PCBP2: variants seen among roughly 807,000 people sequenced by gnomAD.
PCBP2 encodes poly(rC) binding protein 2.
Under a neutral mutation model 50.1 loss-of-function variants are expected in PCBP2, and 4 were observed. The ratio of observed to expected loss-of-function variants is 0.08; its 90% CI spans 0.04 to 0.18. The LOEUF (loss-of-function observed/expected upper bound fraction) is 0.18. Ranked by LOEUF, PCBP2 falls within the 10% of genes least tolerant of loss-of-function variation. PCBP2 has a pLI of 1.00. For missense variants in PCBP2, 161 were observed against 474.3 expected (o/e 0.34, Z 6.14); for synonymous variants, 179 against 168.0 (o/e 1.07, Z -0.51).
intron 7 of PCBP2, among the ~76,000 whole-genome samples, chr12:53,461,790 A>G (rs1254697035): frequency 6.6e-6 from 1 of 151,988 alleles, no homozygotes. Context: ...GCTCACTGCA[A>G]CCTCTGCCTA....
chr12:53,466,712 TGTA>T (rs1941849902), intron 10 of PCBP2, among the ~76,000 whole-genome samples: 1 of 152,138 alleles, frequency 6.6e-6, no homozygotes, highest in African/African-American at 2.4e-5. Context: ...TAAAAATAGC[TGTA>T]GTAGTCAGTG....
intron 13 of PCBP2, 107 bp from the exon 14 acceptor site, chr12:53,471,531 C>A: frequency 9.4e-7 from 1 of 1,067,082 alleles, no homozygotes; most frequent in Non-Finnish European, 1.3e-6. Context: ...CAGGCCACTG[C>A]ACTCCAGCCT....
rs1455208265 is a variant in PCBP2 at position 53,454,946 on chromosome 12, G to A, written c.69+77G>A. On this transcript the variant is annotated intron_variant, in intron 2 of 14. Transcript: ENST00000546463. ...AGGAAGAGCAGACATGCATCTTGGAGCTCATCAGATTAGCACTGTGGGGCA... is the reference window on the plus strand; with the variant it reads ...AGGAAGAGCAGACATGCATCTTGGAACTCATCAGATTAGCACTGTGGGGCA... 5.5e-5 allele frequency: 67 copies of A among 1,209,462 alleles called. 1 individual carries two copies. The Admixed American group carries it at 9.5e-4, about 17-fold the overall frequency. The allele number at this position is 1,209,462 out of a possible 1,614,324, so 74.9% of individuals were successfully genotyped here.
At chr12:53,462,186 T>C (rs566837155) in intron 7 of PCBP2, among the ~76,000 whole-genome samples, 5 of 152,228 alleles carry the variant, frequency 3.3e-5, no homozygotes, top group Non-Finnish European at 5.9e-5. Flanking sequence ...AACAAAAATA[T>C]ACGTTTAACA....
At chr12:53,477,665 C>CAAAAAAAAAAAAAAA (rs61213286) in intron 14 of PCBP2, among the ~76,000 whole-genome samples, 2 of 52,886 alleles carry the variant, frequency 3.8e-5, no homozygotes, top group East Asian at 4.9e-4. Context: ...GACTCTGTCT[C>CAAAAAAAAAAAAAAA]AAAAAAAAAA....
At position 53,471,751 on chromosome 12, in the gene PCBP2, T is replaced by C. The variant is rs767420858; in HGVS notation, c.996T>C (p.Val332=). 3 of 1,613,402 alleles carry C rather than the reference T, an allele frequency of 1.9e-6. No individual in the cohort carries two copies. In the African/African-American group the frequency reaches 4.0e-5, roughly 22 times the overall value. Reference sequence around the variant, plus strand: ...TGGAAGGATCTACTGATAGGCAGGTTACCATCACTGGATCTGCTGCCAGCA... The same window carrying C: ...TGGAAGGATCTACTGATAGGCAGGTCACCATCACTGGATCTGCTGCCAGCA... ...NPVEGSTDRQ[V]TITGSAASIS... is the part of the protein sequence containing the mutation. The change falls in exon 14 of 15, where the codon GTT becomes GTC. Residue 332 remains valine (V), a synonymous_variant. Coordinates refer to ENST00000546463, the MANE Select transcript of PCBP2 (RefSeq NM_031989.5).
intron 8 of PCBP2, among the ~76,000 whole-genome samples, chr12:53,462,981 C>T (rs1277545216): frequency 6.6e-6 from 1 of 152,106 alleles, no homozygotes; most frequent in Non-Finnish European, 1.5e-5. Flanking sequence ...TTTGAGTGTC[C>T]TACAAACTTC....
chr12:53,452,500 C>G (rs1021146767), intron 1 of PCBP2, 124 bp downstream of exon 1: 1 of 151,474 alleles, frequency 6.6e-6, no homozygotes, highest in Admixed American at 6.6e-5. Flanking sequence ...TGAGCGCCTA[C>G]CACCTCACTG....
At position 53,464,652 on chromosome 12, in the gene PCBP2, TAAAGGAA is replaced by T. The variant is rs1283903800; in HGVS notation, c.580-97_580-91del. ...TTCAAATTGTGTCTGAGCTCCTTTT[TAAAGGAA>T]AAAGGAAAAAAATAAACAACTTTTT... On this transcript the variant is annotated intron_variant, in intron 8 of 14. Transcript: ENST00000546463. The T allele has an allele frequency of 1.4e-5, 20 of 1,468,208 alleles. No individual in the cohort carries two copies. The East Asian group carries it at 1.8e-4, about 13-fold the overall frequency. 90.9% of individuals were successfully genotyped at this position (1,468,208 alleles called of 1,614,324 possible).
chr12:53,468,535 C>T (rs1020294956), intron 12 of PCBP2: 10 of 531,448 alleles, frequency 1.9e-5, no homozygotes, highest in Admixed American at 3.5e-5. Flanking sequence ...CCCTAATAGG[C>T]TGGGCTTTGC....
intron 10 of PCBP2, 65 bp from the exon 11 acceptor site, chr12:53,467,156 C>T (rs530596074): frequency 3.2e-6 from 4 of 1,267,174 alleles, no homozygotes; most frequent in African/African-American, 1.5e-5. Flanking sequence ...TTTTCAAATT[C>T]GAATGTGCTT....
intron 13 of PCBP2, among the ~76,000 whole-genome samples, chr12:53,469,446 C>T (rs967769194): frequency 6.6e-6 from 1 of 151,950 alleles, no homozygotes; most frequent in African/African-American, 2.4e-5. Context: ...CCTGGCTGGG[C>T]ACGGTGGCTC....
chr12:53,479,324 C>A, intron 14 of PCBP2, 82 bp from the exon 15 acceptor site: 1 of 1,236,020 alleles, frequency 8.1e-7, no homozygotes, highest in Non-Finnish European at 1.2e-6. Flanking sequence ...GTTATTTACT[C>A]TTCACATTTC....
intron 6 of PCBP2, among the ~76,000 whole-genome samples, chr12:53,459,634 T>C (rs1472086344): frequency 6.6e-6 from 1 of 152,204 alleles, no homozygotes; most frequent in Non-Finnish European, 1.5e-5. Context: ...TTTTCAACTA[T>C]TACATATGAC....
chr12:53,468,638 A>G lies in PCBP2; in HGVS notation c.827-139A>G, dbSNP rs1390821588. On this transcript the variant is annotated intron_variant, in intron 12 of 14. Transcript: ENST00000546463. Reference sequence around the variant, plus strand: ...TTCTCCCCCACTCTTTCCTCTTTGGAGGCTTCCAAGTTAGTGATGAATCCC... The same window carrying G: ...TTCTCCCCCACTCTTTCCTCTTTGGGGGCTTCCAAGTTAGTGATGAATCCC... 3 of 694,234 alleles carry G rather than the reference A, an allele frequency of 4.3e-6. No individual in the cohort carries two copies. In the African/African-American group the frequency reaches 5.4e-5, roughly 12 times the overall value. The allele number at this position is 694,234 out of a possible 1,614,324, so 43.0% of individuals were successfully genotyped here. A position where few individuals can be genotyped will look rare whatever the true frequency, so the allele number is the denominator to read the frequency against.
chr12:53,471,629 T>G lies in PCBP2; in HGVS notation c.883-9T>G. On this transcript the variant is annotated splice_polypyrimidine_tract_variant and intron_variant, in intron 13 of 14. Coordinates refer to ENST00000546463, the MANE Select transcript of PCBP2 (RefSeq NM_031989.5). ...ATTCGGTGTGCCTTGTTTTTCTTTC[T>G]CCCTTAAGTTGATTGGCTGCATAAT... The G allele has an allele frequency of 6.2e-7, 1 of 1,602,986 alleles. No homozygotes were observed. The highest frequency in any genetic ancestry group is 8.5e-7 in the Non-Finnish European group (1 of 1,174,052).
At chr12:53,465,679 A>C (rs1178318813) in intron 9 of PCBP2, among the ~76,000 whole-genome samples, 3 of 152,178 alleles carry the variant, frequency 2.0e-5, no homozygotes, top group African/African-American at 4.8e-5. Flanking sequence ...ACAGTTATGT[A>C]TATTTTGCCT....
intron 5 of PCBP2, 40 bp from the exon 6 acceptor site, chr12:53,459,232 T>G (rs772927178): frequency 6.5e-7 from 1 of 1,536,926 alleles, no homozygotes; most frequent in Non-Finnish European, 8.8e-7. Flanking sequence ...GTTACTAGTT[T>G]CCAGGGATCT....
chr12:53,472,685 A>C (rs1942321302), intron 14 of PCBP2, among the ~76,000 whole-genome samples: 1 of 152,166 alleles, frequency 6.6e-6, no homozygotes, highest in East Asian at 1.9e-4. Flanking sequence ...TGAGTTCCTG[A>C]ATCTAGTACA....
Sources: allele counts gnomAD v4.1 joint callset (sites outside exome capture counted in the v4.1 genomes callset), GRCh38; gene constraint gnomAD v4.1.1; transcripts MANE v1.5; gene names NCBI Gene and HGNC (gene_info 2026-07-23, HGNC 2026-07-21).